Variants in PLCH1 observed in about 807,000 individuals in gnomAD.
PLCH1 encodes the protein 1-phosphatidylinositol 4,5-bisphosphate phosphodiesterase eta-1.
In PLCH1, 60 loss-of-function variants were observed where a neutral mutation model predicts 126.7. That is an observed-to-expected ratio of 0.47 (90% confidence interval 0.38 to 0.59). The LOEUF (loss-of-function observed/expected upper bound fraction) is 0.59, where lower values mean the gene tolerates loss of function less well. Among genes scored for constraint, PLCH1 ranks in the 20% least tolerant of loss-of-function variants. The pLI is 0.00. For missense variants in PLCH1, 1,723 were observed against 2,040.0 expected, an observed-to-expected ratio of 0.84 and a Z score of 2.99; for synonymous variants, 719 against 734.9, an observed-to-expected ratio of 0.98 and a Z score of 0.35.
chr3:155,684,711 A>G (rs1343786058), intron 2 of PLCH1, among the ~76,000 whole-genome samples: 11 of 152,194 alleles, frequency 7.2e-5, no homozygotes, highest in African/African-American at 2.7e-4. Context: ...ACAATTTTCA[A>G]TACGTTACAG....
chr3:155,520,281 T>G (rs1014602144), intron 11 of PLCH1, among the ~76,000 whole-genome samples: 3 of 152,312 alleles, frequency 2.0e-5, no homozygotes, highest in Middle Eastern at 3.4e-3. Context: ...TAATCCTTTT[T>G]AGGATAGCTC....
intron 2 of PLCH1, among the ~76,000 whole-genome samples, chr3:155,653,118 G>GATAGATATAGATATAGATATAGAT (rs11275678): frequency 6.5e-5 from 9 of 138,092 alleles, no homozygotes; most frequent in Non-Finnish European, 1.1e-4. Flanking sequence ...TATAGATGTA[G>GATAGATATAGATATAGATATAGAT]ATAGATATAG....
chr3:155,607,786 G>GA (rs1182890790), intron 2 of PLCH1, among the ~76,000 whole-genome samples: 40 of 152,110 alleles, frequency 2.6e-4, no homozygotes, highest in Admixed American at 2.4e-3. Context: ...CATTTGGGAA[G>GA]AAAAATGGCA....
intron 3 of PLCH1, among the ~76,000 whole-genome samples, chr3:155,595,975 T>C (rs1268020197): frequency 1.3e-5 from 1 of 77,098 alleles, no homozygotes; most frequent in Non-Finnish European, 3.3e-5. Flanking sequence ...ATATTCCAAC[T>C]AAATATATAT....
At chr3:155,623,713 G>A (rs1033861158) in intron 2 of PLCH1, among the ~76,000 whole-genome samples, 2 of 152,252 alleles carry the variant, frequency 1.3e-5, no homozygotes, top group African/African-American at 4.8e-5. Flanking sequence ...CCAGGAAGAA[G>A]GCGATTCCCT....
chr3:155,513,108 T>C (rs1459093084), intron 12 of PLCH1, among the ~76,000 whole-genome samples: 2 of 152,230 alleles, frequency 1.3e-5, no homozygotes, highest in Non-Finnish European at 2.9e-5. Flanking sequence ...AAGTAGAAGC[T>C]GGAGTGACGT....
chr3:155,706,772 A>G (rs1270869698), intron 1 of PLCH1, among the ~76,000 whole-genome samples: 2 of 152,144 alleles, frequency 1.3e-5, no homozygotes, highest in Non-Finnish European at 1.5e-5. Flanking sequence ...AGATGAGGTC[A>G]CAAGAAGGAT....
intron 1 of PLCH1, among the ~76,000 whole-genome samples, chr3:155,734,371 G>A (rs1334305263): frequency 6.6e-6 from 1 of 152,098 alleles, no homozygotes; most frequent in African/African-American, 2.4e-5. Context: ...GAGGTGGGAG[G>A]ATTGCTTGAG....
chr3:155,637,834 C>T (rs561225362), intron 2 of PLCH1, among the ~76,000 whole-genome samples: 2 of 152,316 alleles, frequency 1.3e-5, no homozygotes, highest in African/African-American at 2.4e-5. Flanking sequence ...GCAAAGACAA[C>T]ATTCCACCTC....
rs1576781333 is a variant in PLCH1 at position 155,481,638 on chromosome 3, G to A, written c.4388C>T (p.Pro1463Leu). The change falls in exon 23 of 23, where the codon CCT becomes CTT. Residue 1463 changes from proline to leucine, a missense_variant. Pro to Leu is a moderately conservative substitution (Grantham distance 98, BLOSUM62 -3). Around this residue, in one of 2 missense-constraint regions of PLCH1, gnomAD observed 947 missense variants for 977.1 expected, o/e 0.97. Coordinates refer to ENST00000460012, the MANE Select transcript of PLCH1 (RefSeq NM_014996.4). The surrounding 1 kb of genome is among the most constrained non-coding windows in gnomAD (Gnocchi z 4.2). ...AAGATGTGCCAACTGCTTGGGTACA[G>A]GGACATGCATATCTTGAGCACTAGA... ...QQSSAQDMHV[P>L]VPKQLAHLPL... The A allele has an allele frequency of 6.2e-7, 1 of 1,614,142 alleles. No homozygotes were observed. The highest frequency in any genetic ancestry group is 1.1e-5 in the South Asian group (1 of 91,086).
In PLCH1 at chr3:155,514,943, A is replaced by C. The variant is rs1576880417; in HGVS notation, c.1471-59T>G. 20 of 1,173,716 alleles carry C rather than the reference A, an allele frequency of 1.7e-5. No homozygotes were observed. In the East Asian group the frequency reaches 2.6e-4, roughly 15 times the overall value. The allele number at this position is 1,173,716 out of a possible 1,614,324, so 72.7% of individuals were successfully genotyped here. Reference sequence around the variant, plus strand: ...TAAGAAACACACCGAATTAGAATATACCCTTTGATCAAGCCACAATTGCTT... The same window carrying C: ...TAAGAAACACACCGAATTAGAATATCCCCTTTGATCAAGCCACAATTGCTT... On this transcript the variant is annotated intron_variant, in intron 11 of 22. Coordinates refer to ENST00000460012, the MANE Select transcript of PLCH1 (RefSeq NM_014996.4).
At chr3:155,583,745 A>C in intron 5 of PLCH1, 103 bp from the exon 6 acceptor site, 3 of 736,090 alleles carry the variant, frequency 4.1e-6, no homozygotes, top group Non-Finnish European at 6.3e-6. Flanking sequence ...CACAAATCCC[A>C]AGAGGTGAGC....
At chr3:155,649,021 G>A (rs1740379191) in intron 2 of PLCH1, among the ~76,000 whole-genome samples, 1 of 152,176 alleles carries the variant, frequency 6.6e-6, no homozygotes, top group Admixed American at 6.6e-5. Context: ...TCCACTGAAG[G>A]CTTTTAAGCA....
intron 21 of PLCH1, chr3:155,457,621 A>C (rs1281960822): frequency 2.0e-5 from 3 of 152,144 alleles, no homozygotes; most frequent in East Asian, 3.9e-4. Context: ...CACTTAGTAC[A>C]TTATATTAAT....
chr3:155,650,544 T>C (rs1000229325), intron 2 of PLCH1, among the ~76,000 whole-genome samples: 1 of 152,082 alleles, frequency 6.6e-6, no homozygotes, highest in Non-Finnish European at 1.5e-5. Flanking sequence ...TAAGTCACCT[T>C]TAAACCACAG....
intron 21 of PLCH1, among the ~76,000 whole-genome samples, chr3:155,468,707 T>C (rs1011942725): frequency 2.0e-5 from 3 of 152,092 alleles, no homozygotes; most frequent in African/African-American, 7.2e-5. Flanking sequence ...ATTTTAAACA[T>C]ATATATAACA....
At chr3:155,636,826 G>C (rs920621015) in intron 2 of PLCH1, among the ~76,000 whole-genome samples, 3 of 151,922 alleles carry the variant, frequency 2.0e-5, no homozygotes, top group Non-Finnish European at 4.4e-5. Context: ...TACAAAATGA[G>C]ATAAGTATGC....
At chr3:155,666,929 T>A (rs1021106881) in intron 2 of PLCH1, among the ~76,000 whole-genome samples, 1 of 145,204 alleles carries the variant, frequency 6.9e-6, no homozygotes, top group South Asian at 2.2e-4. Context: ...TGTGTGTGTG[T>A]GCATGTGTGT....
chr3:155,632,790 T>C (rs988932143), intron 2 of PLCH1, among the ~76,000 whole-genome samples: 1 of 152,230 alleles, frequency 6.6e-6, no homozygotes, highest in Non-Finnish European at 1.5e-5. Flanking sequence ...TTATTATGAA[T>C]GCTCATGGCA....
Sources: allele counts gnomAD v4.1 joint callset (sites outside exome capture counted in the v4.1 genomes callset), GRCh38; gene constraint gnomAD v4.1.1; regional missense constraint gnomAD v4.1.1; non-coding constraint Gnocchi (gnomAD v3.1); transcripts MANE v1.5; gene names NCBI Gene and HGNC (gene_info 2026-07-23, HGNC 2026-07-21).